The following DRAXIN variants were observed in gnomAD, a reference collection of about 807,000 sequenced individuals.
DRAXIN encodes dorsal repulsive axon guidance protein.
DRAXIN carries 27 observed loss-of-function variants against 33.9 expected under a neutral mutation model. The observed-to-expected ratio is 0.80, with a 90% confidence interval of 0.59 to 1.10. The LOEUF (loss-of-function observed/expected upper bound fraction) is 1.10, where lower values mean the gene tolerates loss of function less well. Ranked by LOEUF, DRAXIN falls within the 50% of genes least tolerant of loss-of-function variation. The pLI is 0.00. For synonymous variants in DRAXIN, 178 were observed against 194.0 expected (o/e 0.92, Z 0.69); for missense variants, 371 against 460.8 (o/e 0.81, Z 1.78).
At position 11,692,107 on chromosome 1, in the gene DRAXIN, C is replaced by T. The variant is rs1321232170; in HGVS notation, c.-11+254C>T. Among the ~76,000 whole-genome samples the T allele has an allele frequency of 6.6e-6, 1 of 152,178 alleles. No individual in the cohort carries two copies. Among genetic ancestry groups the T allele is most frequent in the Non-Finnish European group, 1.5e-5 (1 of 68,026 alleles). On this transcript the variant is annotated intron_variant, in intron 1 of 6. Coordinates refer to ENST00000294485, the MANE Select transcript of DRAXIN (RefSeq NM_198545.4). This position sits in a 1 kb window ranked among gnomAD's most constrained non-coding sequence, Gnocchi z 5.8. ...GGGCTCCCCATCCGTCCACCTACCG[C>T]TGGACGCCCACTTTTCCACGCTCTG...
intron 3 of DRAXIN, among the ~76,000 whole-genome samples, chr1:11,710,273 C>T (rs1175241448): frequency 6.6e-6 from 1 of 151,810 alleles, no homozygotes; most frequent in Non-Finnish European, 1.5e-5. Context: ...ACGAGGGTCA[C>T]TTGAGCCCAG....
upstream of DRAXIN, among the ~76,000 whole-genome samples, chr1:11,688,829 T>A (rs1275605170): frequency 6.6e-6 from 1 of 152,214 alleles, no homozygotes; most frequent in Non-Finnish European, 1.5e-5. This position sits in a 1 kb window ranked among gnomAD's most constrained non-coding sequence, Gnocchi z 4.6. Flanking sequence ...ATACAGGTCA[T>A]AAAGACCTTG....
At chr1:11,714,029 A>T (rs906752869) in intron 5 of DRAXIN, among the ~76,000 whole-genome samples, 25 of 151,870 alleles carry the variant, frequency 1.6e-4, no homozygotes, top group Admixed American at 6.6e-4. Context: ...TCTCAAAATT[A>T]AAAAAAATAA....
In DRAXIN at chr1:11,720,033, G is replaced by A; in HGVS notation, c.*337G>A. Reference sequence around the variant, plus strand: ...AAAACCAAGAGGCGTTTTTGAGAGTGGAAAAGAAATTTAAACTTCCCGAAA... The same window carrying A: ...AAAACCAAGAGGCGTTTTTGAGAGTAGAAAAGAAATTTAAACTTCCCGAAA... On this transcript the variant is annotated 3_prime_UTR_variant, in exon 7 of 7. Transcript: ENST00000294485. The A allele has an allele frequency of 3.7e-6, 1 of 271,974 alleles. No homozygotes were observed. The highest frequency in any genetic ancestry group is 7.4e-6 in the Non-Finnish European group (1 of 135,754). The allele number at this position is 271,974 out of a possible 1,614,324, so 16.8% of individuals were successfully genotyped here.
chr1:11,703,700 A>G (rs952540354), intron 1 of DRAXIN, among the ~76,000 whole-genome samples: 2 of 152,154 alleles, frequency 1.3e-5, no homozygotes, highest in African/African-American at 4.8e-5. Context: ...GTGCTCTGGC[A>G]CTGTGCACTG....
intron 6 of DRAXIN, among the ~76,000 whole-genome samples, chr1:11,717,827 A>C (rs1452158594): frequency 3.1e-5 from 2 of 64,386 alleles, no homozygotes; most frequent in Non-Finnish European, 7.3e-5. Context: ...TACCAAAAAT[A>C]CAAAAAAAAA....
intron 6 of DRAXIN, among the ~76,000 whole-genome samples, chr1:11,718,536 G>T (rs34717076): frequency 0.47 from 71,049 of 152,082 alleles, 18,806 homozygotes; most frequent in African/African-American, 0.73. Flanking sequence ...CAACCAAGGC[G>T]CACTGCAGCC....
chr1:11,703,877 G>A (rs1641339165), intron 1 of DRAXIN, among the ~76,000 whole-genome samples: 1 of 152,174 alleles, frequency 6.6e-6, no homozygotes, highest in Non-Finnish European at 1.5e-5. Flanking sequence ...CGGAGCTTGG[G>A]AAGGTGGCAG....
chr1:11,702,365 C>A (rs1641305487), intron 1 of DRAXIN, among the ~76,000 whole-genome samples: 1 of 149,822 alleles, frequency 6.7e-6, no homozygotes, highest in Admixed American at 6.6e-5. Context: ...ACACACACAC[C>A]TACACACCCA....
upstream of DRAXIN, among the ~76,000 whole-genome samples, chr1:11,688,933 T>A (rs926991966): frequency 2.0e-5 from 3 of 152,192 alleles, no homozygotes; most frequent in Non-Finnish European, 4.4e-5. The surrounding 1 kb of genome is among the most constrained non-coding windows in gnomAD (Gnocchi z 4.6). Flanking sequence ...ACTGCTCCAC[T>A]CCCACCAGTG....
At chr1:11,693,956 GAACTGAC>G (rs1641149743) in intron 1 of DRAXIN, among the ~76,000 whole-genome samples, 1 of 152,140 alleles carries the variant, frequency 6.6e-6, no homozygotes, top group African/African-American at 2.4e-5. Context: ...CCACGATGGA[GAACTGAC>G]CATCTCCACA....
chr1:11,718,940 G>A (rs974166676), intron 6 of DRAXIN, among the ~76,000 whole-genome samples: 4 of 151,992 alleles, frequency 2.6e-5, no homozygotes, highest in African/African-American at 9.7e-5. Flanking sequence ...TAGCTCTGTC[G>A]CCCCAGCTGG....
chr1:11,715,399 G>A (rs1641562061), intron 6 of DRAXIN, among the ~76,000 whole-genome samples, 191 bp downstream of exon 6: 1 of 152,230 alleles, frequency 6.6e-6, no homozygotes. Flanking sequence ...AGCTTTATCA[G>A]TGCCTTCCCA....
chr1:11,699,155 G>A (rs1448295439), intron 1 of DRAXIN, among the ~76,000 whole-genome samples: 3 of 152,046 alleles, frequency 2.0e-5, no homozygotes, highest in African/African-American at 7.2e-5. Context: ...TGGCAGACAG[G>A]GCCTTTGGGA....
intron 6 of DRAXIN, among the ~76,000 whole-genome samples, chr1:11,715,558 C>A (rs1210255627): frequency 6.6e-6 from 1 of 151,992 alleles, no homozygotes; most frequent in Non-Finnish European, 1.5e-5. Flanking sequence ...TTAGATCCAG[C>A]CTCAGAAGGC....
At chr1:11,695,301 A>C (rs1641173431) in intron 1 of DRAXIN, among the ~76,000 whole-genome samples, 1 of 152,162 alleles carries the variant, frequency 6.6e-6, no homozygotes, top group Non-Finnish European at 1.5e-5. Flanking sequence ...ACTTCAGGCC[A>C]GGTGCAGTGG....
chr1:11,718,117 A>G (rs1641607683), intron 6 of DRAXIN, among the ~76,000 whole-genome samples: 1 of 149,440 alleles, frequency 6.7e-6, no homozygotes, highest in South Asian at 2.1e-4. Context: ...CAGCCTGGCC[A>G]ACATGGTGAA....
chr1:11,690,987 C>T (rs966678577), upstream of DRAXIN, among the ~76,000 whole-genome samples: 3 of 152,230 alleles, frequency 2.0e-5, no homozygotes, highest in Non-Finnish European at 4.4e-5. The surrounding 1 kb of genome is among the most constrained non-coding windows in gnomAD (Gnocchi z 4.2). Context: ...TTTCTCCCTT[C>T]CCTACCGGGA....
At chr1:11,689,078 C>T (rs907513434), upstream of DRAXIN, among the ~76,000 whole-genome samples, 1 of 152,118 alleles carries the variant, frequency 6.6e-6, no homozygotes, top group African/African-American at 2.4e-5. Context: ...GGCAGATTGC[C>T]TGGGGTCAGG....
Sources: allele counts gnomAD v4.1 joint callset (sites outside exome capture counted in the v4.1 genomes callset), GRCh38; gene constraint gnomAD v4.1.1; non-coding constraint Gnocchi (gnomAD v3.1); transcripts MANE v1.5; gene names NCBI Gene and HGNC (gene_info 2026-07-23, HGNC 2026-07-21).